The following CDH4 variants were observed in gnomAD, a reference collection of about 807,000 sequenced individuals.
CDH4 encodes the protein cadherin 4, also known as cadherin-4.
Under a neutral mutation model 86.0 loss-of-function variants are expected in CDH4, and 33 were observed. The observed-to-expected ratio is 0.38, with a 90% CI of 0.29 to 0.51. The LOEUF is 0.51. Among genes scored for constraint, CDH4 ranks in the 20% least tolerant of loss-of-function variants. CDH4 has a pLI of 0.86. For synonymous variants in CDH4, 555 were observed against 549.4 expected, an observed-to-expected ratio of 1.01 and a Z score of -0.14; for missense variants, 1,114 against 1,307.4, an observed-to-expected ratio of 0.85 and a Z score of 2.28.
chr20:61,872,461 C>G (rs541667593), intron 6 of CDH4, among the ~76,000 whole-genome samples: 2 of 152,200 alleles, frequency 1.3e-5, no homozygotes, highest in East Asian at 1.9e-4. Flanking sequence ...ATCTCATGCA[C>G]ACGGGAACGA....
intron 7 of CDH4, among the ~76,000 whole-genome samples, chr20:61,890,400 GGATGGATGGATGGAT>G (rs1984767358): frequency 6.6e-6 from 1 of 151,136 alleles, no homozygotes; most frequent in African/African-American, 2.4e-5. Context: ...GTAGATGGGT[GGATGGATGGATGGAT>G]GATGGATGGA....
chr20:61,665,512 T>C (rs6061711), intron 2 of CDH4, among the ~76,000 whole-genome samples: 126,544 of 152,224 alleles, frequency 0.83, 53,109 homozygotes, highest in African/African-American at 0.96. Flanking sequence ...CTTCTTTCCC[T>C]GGGTTCTCCC....
rs941321255 is a variant in CDH4, at chr20:61,708,538, C to T, written c.170-35025C>T. Among the ~76,000 whole-genome samples, 3 of 152,284 alleles carry T rather than the reference C, an allele frequency of 2.0e-5. No individual in the cohort carries two copies. Among genetic ancestry groups the T allele is most frequent in the Admixed American group, 1.3e-4 (2 of 15,304 alleles). ...CGGCCACACAGCCCTGACTCGTAGC[C>T]GGTGGCTGCAGGCTCTTTGCCCCCC... On this transcript the variant is annotated intron_variant, in intron 2 of 15. Coordinates refer to ENST00000614565, the MANE Select transcript of CDH4 (RefSeq NM_001794.5). The surrounding 1 kb of genome is among the most constrained non-coding windows in gnomAD (Gnocchi z 4.5).
chr20:61,408,257 A>C (rs1044543377), intron 2 of CDH4, among the ~76,000 whole-genome samples: 3 of 152,080 alleles, frequency 2.0e-5, no homozygotes, highest in African/African-American at 7.2e-5. Flanking sequence ...AGTCTGTAAA[A>C]GCTCTGGAGG....
chr20:61,792,693 C>CG (rs1293372974), intron 4 of CDH4, among the ~76,000 whole-genome samples: 7 of 151,562 alleles, frequency 4.6e-5, no homozygotes, highest in Non-Finnish European at 1.0e-4. Context: ...TCTGATGGCC[C>CG]GGGCTGGAGT....
At chr20:61,928,829 C>T (rs1407549812) in intron 12 of CDH4, among the ~76,000 whole-genome samples, 1 of 152,226 alleles carries the variant, frequency 6.6e-6, no homozygotes, top group African/African-American at 2.4e-5. Flanking sequence ...AAAATGTGCT[C>T]TAAACATGTC....
chr20:61,590,008 G>A lies in CDH4; in HGVS notation c.170-153555G>A, dbSNP rs77125757. Among the ~76,000 whole-genome samples the A allele has an allele frequency of 4.7e-3, 708 of 151,952 alleles. 4 individuals carry two copies. Among genetic ancestry groups the A allele is most frequent in the African/African-American group, 0.016 (669 of 41,448 alleles). On this transcript the variant is annotated intron_variant, in intron 2 of 15. Coordinates refer to ENST00000614565, the MANE Select transcript of CDH4 (RefSeq NM_001794.5). ...GCCCAGCTGGGAGAGGGAGTCTCAG[G>A]CAGGGTGAGCACACAGGCCCTGGGT...
intron 9 of CDH4, among the ~76,000 whole-genome samples, chr20:61,920,712 CACGGTGATTGCATGGAAGCGTGGTGTG>C (rs2054969595): frequency 7.2e-6 from 1 of 139,210 alleles, no homozygotes; most frequent in Non-Finnish European, 1.5e-5. Flanking sequence ...AGCGTGGTGT[CACGGTGATTGCATGGAAGCGTGGTGTG>C]GTGATTGCAT....
intron 4 of CDH4, among the ~76,000 whole-genome samples, chr20:61,814,169 CG>C (rs1980594395): frequency 6.6e-6 from 1 of 152,228 alleles, no homozygotes; most frequent in African/African-American, 2.4e-5. Flanking sequence ...ATCTGTGGAA[CG>C]GGGACAGGAA....
chr20:61,310,798 C>T (rs1478932702), intron 2 of CDH4, among the ~76,000 whole-genome samples: 1 of 152,124 alleles, frequency 6.6e-6, no homozygotes, highest in Non-Finnish European at 1.5e-5. Flanking sequence ...TTGTATCTTC[C>T]CATGATTTTC....
intron 2 of CDH4, among the ~76,000 whole-genome samples, chr20:61,502,306 T>C (rs1414267783): frequency 2.0e-5 from 3 of 152,184 alleles, no homozygotes; most frequent in Admixed American, 1.3e-4. Context: ...GGTGGTCTAC[T>C]TTGTCGTTTT....
At chr20:61,336,804 C>T (rs965453978) in intron 2 of CDH4, among the ~76,000 whole-genome samples, 6 of 152,186 alleles carry the variant, frequency 3.9e-5, no homozygotes, top group Admixed American at 6.5e-5. Context: ...CCCTGCTGGA[C>T]TTTACAAGGA....
chr20:61,934,186 C>T lies in CDH4; in HGVS notation c.2510C>T (p.Pro837Leu), dbSNP rs138049836. The change falls in exon 15 of 16, where the codon CCG becomes CTG. Residue 837 changes from proline (P) to leucine (L), a missense_variant. By Grantham distance (98) the Pro-to-Leu change is moderately conservative (BLOSUM62 -3). Transcript: ENST00000614565. ...CAGTACCCGATCAGGCCCATGGTGC[C>T]GCACCCAGGCGACATCGGTGACTTC... The part of the protein sequence containing the change: ...EPQYPIRPMV[P>L]HPGDIGDFIN... The T allele has an allele frequency of 2.8e-4, 448 of 1,581,748 alleles. 1 individual carries two copies. Among genetic ancestry groups the T allele is most frequent in the East Asian group, 3.0e-4 (13 of 43,860 alleles).
chr20:61,929,325 A>T (rs1451415098), intron 12 of CDH4, among the ~76,000 whole-genome samples: 1 of 152,108 alleles, frequency 6.6e-6, no homozygotes, highest in Non-Finnish European at 1.5e-5. Context: ...TTTACTAGAG[A>T]CAGGGTTTTG....
At chr20:61,686,872 C>T (rs1482817326) in intron 2 of CDH4, among the ~76,000 whole-genome samples, 2 of 152,166 alleles carry the variant, frequency 1.3e-5, no homozygotes, top group Non-Finnish European at 2.9e-5. Flanking sequence ...ATGTACAGGA[C>T]GGAGAGTGAT....
chr20:61,778,405 A>C (rs891965841), intron 4 of CDH4, among the ~76,000 whole-genome samples: 7 of 152,152 alleles, frequency 4.6e-5, no homozygotes, highest in South Asian at 4.1e-4. Flanking sequence ...ACTCTTCCCC[A>C]AAAAAAGTCT....
At chr20:61,543,394 C>T (rs981882059) in intron 2 of CDH4, among the ~76,000 whole-genome samples, 5 of 152,170 alleles carry the variant, frequency 3.3e-5, no homozygotes, top group Admixed American at 6.5e-5. Flanking sequence ...TTGAAGTTCC[C>T]GTGACTTAGA....
intron 2 of CDH4, among the ~76,000 whole-genome samples, chr20:61,646,521 C>T (rs2145808962): frequency 6.6e-6 from 1 of 152,356 alleles, no homozygotes; most frequent in South Asian, 2.1e-4. Context: ...GCCAGCCGTT[C>T]ACCCCCTCTG....
rs566434088 is a variant in CDH4, at chr20:61,393,089, T to A, written c.169+138152T>A. 1.3e-5 allele frequency among the ~76,000 whole-genome samples: 2 copies of A among 151,930 alleles called. No individual in the cohort carries two copies. The highest frequency in any genetic ancestry group is 3.9e-4 in the East Asian group (2 of 5,108). On this transcript the variant is annotated intron_variant, in intron 2 of 15. Transcript: ENST00000614565. The surrounding 1 kb of genome is among the most constrained non-coding windows in gnomAD (Gnocchi z 4.3). ...ATTTTCCTCCTAATTTCTTACTGAA[T>A]TGATTCCCACTGAATCTCTGTAGAA... is the stretch of plus-strand genomic sequence containing the variant.
Sources: gnomAD v4.1 joint callset for allele counts (sites outside exome capture counted in the v4.1 genomes callset) on GRCh38, gnomAD v4.1.1 for gene constraint, Gnocchi (gnomAD v3.1) non-coding constraint, MANE v1.5 for transcripts, NCBI Gene and HGNC (gene_info 2026-07-23, HGNC 2026-07-21) for gene names.